RUNX2: variants seen among roughly 807,000 people sequenced by gnomAD.
The protein encoded by RUNX2 is RUNX family transcription factor 2.
In RUNX2, 10 loss-of-function variants were observed where a neutral mutation model predicts 51.7. The ratio of observed to expected loss-of-function variants is 0.19; its 90% CI spans 0.12 to 0.33. The LOEUF (loss-of-function observed/expected upper bound fraction) is 0.33, where lower values mean the gene tolerates loss of function less well. Among genes scored for constraint, RUNX2 ranks in the 10% least tolerant of loss-of-function variants. RUNX2 has a pLI of 1.00. For missense variants in RUNX2, 562 were observed against 691.3 expected (o/e 0.81, Z 2.10); for synonymous variants, 276 against 273.6 (o/e 1.01, Z -0.09).
chr6:45,541,076 T>C (rs1298949931), intron 7 of RUNX2, among the ~76,000 whole-genome samples: 2 of 152,236 alleles, frequency 1.3e-5, no homozygotes, highest in Non-Finnish European at 1.5e-5. Context: ...TCTTTTCCTT[T>C]TGTGTTAAAA....
intron 7 of RUNX2, among the ~76,000 whole-genome samples, chr6:45,528,877 G>C (rs1801756712): frequency 6.6e-6 from 1 of 152,248 alleles, no homozygotes; most frequent in Non-Finnish European, 1.5e-5. Context: ...TTCTTCAGAG[G>C]ACTGAGAAAT....
chr6:45,358,400 C>G (rs1239394390), intron 2 of RUNX2, among the ~76,000 whole-genome samples: 3 of 152,252 alleles, frequency 2.0e-5, no homozygotes, highest in African/African-American at 7.2e-5. Flanking sequence ...ACTAAAATTT[C>G]TATCACTGTG....
chr6:45,496,215 C>T (rs1040509556), intron 6 of RUNX2, among the ~76,000 whole-genome samples: 10 of 152,118 alleles, frequency 6.6e-5, no homozygotes, highest in Non-Finnish European at 8.8e-5. Context: ...GTCCGCTACA[C>T]CTAAAAAATA....
At chr6:45,407,556 G>A (rs1159629168) in intron 2 of RUNX2, among the ~76,000 whole-genome samples, 2 of 152,068 alleles carry the variant, frequency 1.3e-5, no homozygotes, top group South Asian at 2.1e-4. Context: ...CAGTAGTGTG[G>A]TCATAGCTCG....
At chr6:45,520,673 C>G (rs1801476647) in intron 7 of RUNX2, among the ~76,000 whole-genome samples, 1 of 152,156 alleles carries the variant, frequency 6.6e-6, no homozygotes, top group Admixed American at 6.5e-5. Context: ...TCATCTACAC[C>G]CATTTGTATG....
intron 2 of RUNX2, among the ~76,000 whole-genome samples, chr6:45,352,866 TA>T (rs1792351924): frequency 1.3e-5 from 2 of 152,170 alleles, no homozygotes; most frequent in South Asian, 4.1e-4. Context: ...TATATATCTA[TA>T]AAAAAATTAA....
At chr6:45,368,736 G>C (rs1457294304) in intron 2 of RUNX2, among the ~76,000 whole-genome samples, 1 of 152,056 alleles carries the variant, frequency 6.6e-6, no homozygotes, top group Non-Finnish European at 1.5e-5. Context: ...TATTTCAGCA[G>C]ACCTATGTAC....
Position 45,391,183 on chromosome 6 carries a change from C to A in RUNX2, c.59-31410C>A, listed in dbSNP as rs111929167. On this transcript the variant is annotated intron_variant, in intron 2 of 8. Coordinates refer to ENST00000647337, the MANE Select transcript of RUNX2 (RefSeq NM_001024630.4). ...GAAATTTCATTTTGAAATGTGATTC[C>A]CAAAGTTGGAGCTGGGGCCTGGTTG... Among the ~76,000 whole-genome samples, 418 of 152,112 alleles carry A rather than the reference C, an allele frequency of 2.7e-3. 1 individual carries two copies. Among genetic ancestry groups the A allele is most frequent in the African/African-American group, 9.7e-3 (402 of 41,476 alleles).
chr6:45,477,024 T>C (rs943851627), intron 5 of RUNX2, among the ~76,000 whole-genome samples: 1 of 152,156 alleles, frequency 6.6e-6, no homozygotes, highest in Non-Finnish European at 1.5e-5. Flanking sequence ...TTATCCTTTT[T>C]ACCATTGTGA....
chr6:45,427,183 A>G (rs1470325605), intron 3 of RUNX2, among the ~76,000 whole-genome samples: 1 of 152,116 alleles, frequency 6.6e-6, no homozygotes, highest in East Asian at 1.9e-4. Context: ...TGGAAAATAA[A>G]TACTTATAAA....
At chr6:45,512,719 G>A (rs1384273592) in intron 7 of RUNX2, among the ~76,000 whole-genome samples, 5 of 151,830 alleles carry the variant, frequency 3.3e-5, no homozygotes, top group Non-Finnish European at 7.4e-5. Context: ...TTTTCCTGAG[G>A]GTATTATGCC....
At chr6:45,404,205 A>G (rs1797780678) in intron 2 of RUNX2, among the ~76,000 whole-genome samples, 1 of 137,944 alleles carries the variant, frequency 7.2e-6, no homozygotes, top group South Asian at 2.6e-4. Context: ...GGTTGCAGTG[A>G]GCTGAGATTG....
At chr6:45,508,726 C>A (rs1801055083) in intron 6 of RUNX2, among the ~76,000 whole-genome samples, 1 of 152,144 alleles carries the variant, frequency 6.6e-6, no homozygotes, top group Non-Finnish European at 1.5e-5. Flanking sequence ...CCACTAAAAG[C>A]AAAACTATCC....
intron 2 of RUNX2, among the ~76,000 whole-genome samples, chr6:45,387,170 T>A (rs1797367566): frequency 6.6e-6 from 1 of 152,188 alleles, no homozygotes; most frequent in Non-Finnish European, 1.5e-5. Context: ...CAAGGTTTCT[T>A]GACTTACTGA....
At chr6:45,454,732 A>T (rs1431210251) in intron 5 of RUNX2, among the ~76,000 whole-genome samples, 1 of 152,172 alleles carries the variant, frequency 6.6e-6, no homozygotes, top group Non-Finnish European at 1.5e-5. Flanking sequence ...CCTCCAGCTG[A>T]ACCATAGCTG....
chr6:45,474,104 T>G (rs1799883498), intron 5 of RUNX2, among the ~76,000 whole-genome samples: 1 of 152,184 alleles, frequency 6.6e-6, no homozygotes, highest in South Asian at 2.1e-4. Flanking sequence ...GTCAGGTTAA[T>G]TGCATTCTGT....
chr6:45,396,286 C>T (rs1359498422), intron 2 of RUNX2, among the ~76,000 whole-genome samples: 2 of 152,012 alleles, frequency 1.3e-5, no homozygotes, highest in African/African-American at 4.8e-5. Flanking sequence ...ATCATATTTA[C>T]ATATCATGAA....
intron 2 of RUNX2, among the ~76,000 whole-genome samples, chr6:45,402,566 T>TA (rs1367160586): frequency 3.3e-5 from 5 of 152,214 alleles, no homozygotes; most frequent in African/African-American, 1.2e-4. Context: ...TTGGCTATGA[T>TA]AATCAATACT....
chr6:45,424,090 C>G (rs1469760377), intron 3 of RUNX2, among the ~76,000 whole-genome samples: 1 of 152,248 alleles, frequency 6.6e-6, no homozygotes, highest in Non-Finnish European at 1.5e-5. Flanking sequence ...GGAGTGAGCT[C>G]GAAGGCTTGA....
Sources: gnomAD v4.1 joint callset for allele counts (sites outside exome capture counted in the v4.1 genomes callset) on GRCh38, gnomAD v4.1.1 for gene constraint, MANE v1.5 for transcripts, NCBI Gene and HGNC (gene_info 2026-07-23, HGNC 2026-07-21) for gene names.